Variants in KCNA6 observed in about 807,000 individuals in gnomAD.
KCNA6 encodes the protein human brain potassium channel-2.
In KCNA6, 17 loss-of-function variants were observed where a neutral mutation model predicts 29.5. The ratio of observed to expected loss-of-function variants is 0.58; its 90% CI spans 0.39 to 0.86. KCNA6 has a LOEUF of 0.86. Among genes scored for constraint, KCNA6 ranks in the 40% least tolerant of loss-of-function variants. The pLI is 0.00. For synonymous variants in KCNA6, 296 were observed against 304.7 expected (o/e 0.97, Z 0.30); for missense variants, 450 against 703.4 (o/e 0.64, Z 4.07).
chr12:4,849,118 AAAAATAAAAAT>A, the KCNA6 span, among the ~76,000 whole-genome samples: 3 of 152,044 alleles, frequency 2.0e-5, no homozygotes, highest in South Asian at 2.1e-4. Context: ...CCCCATCTCA[AAAAATAAAAAT>A]AAAATAAAAA....
chr12:4,840,562 T>A, the KCNA6 span, among the ~76,000 whole-genome samples: 1 of 152,280 alleles, frequency 6.6e-6, no homozygotes, highest in Admixed American at 6.5e-5. Flanking sequence ...CTGCGGGAAG[T>A]AGAAAATTTT....
Position 4,811,280 on chromosome 12 carries a change from C to T in KCNA6, c.1239C>T (p.Phe413=). ...TTTTTCCCAGCATCCCGGATGCCTT[C>T]TGGTGGGCAGTGGTTACAATGACCA... Residue 413 remains phenylalanine (F), a synonymous_variant, in exon 1 of 1, where the codon TTC becomes TTT. Coordinates refer to ENST00000280684, the Ensembl canonical transcript of KCNA6. This position sits in a 1 kb window ranked among gnomAD's most constrained non-coding sequence, Gnocchi z 7.1. 6.2e-7 allele frequency: 1 copy of T among 1,614,242 alleles called. No homozygotes were observed. Among genetic ancestry groups the T allele is most frequent in the Non-Finnish European group, 8.5e-7 (1 of 1,180,044 alleles).
chr12:4,843,682 C>A, the KCNA6 span, among the ~76,000 whole-genome samples: 1 of 152,094 alleles, frequency 6.6e-6, no homozygotes. Flanking sequence ...CTTCAGGGAG[C>A]TTTTACTCAC....
chr12:4,829,410 A>G, the KCNA6 span, among the ~76,000 whole-genome samples: 4 of 152,212 alleles, frequency 2.6e-5, no homozygotes, highest in Non-Finnish European at 5.9e-5. Flanking sequence ...TTTCACTGGC[A>G]TAACGTGTCC....
the KCNA6 span, among the ~76,000 whole-genome samples, chr12:4,849,796 T>G: frequency 6.6e-6 from 1 of 152,240 alleles, no homozygotes; most frequent in Non-Finnish European, 1.5e-5. Context: ...AACTGGAGTT[T>G]ATGGAAACCT....
the KCNA6 span, among the ~76,000 whole-genome samples, chr12:4,822,583 T>TGGA: frequency 6.6e-6 from 1 of 152,314 alleles, no homozygotes; most frequent in South Asian, 2.1e-4. Context: ...GAATGTGTGA[T>TGGA]GTAATTCAGA....
the KCNA6 span, among the ~76,000 whole-genome samples, chr12:4,832,904 A>T: frequency 0.25 from 37,354 of 151,260 alleles, 4,891 homozygotes; most frequent in Middle Eastern, 0.38. Flanking sequence ...CTAGAGATAC[A>T]TGTGCCACCA....
chr12:4,824,841 A>G, the KCNA6 span, among the ~76,000 whole-genome samples: 1 of 152,260 alleles, frequency 6.6e-6, no homozygotes, highest in Non-Finnish European at 1.5e-5. Context: ...TATTGGCTTT[A>G]CCTTCAACAT....
At chr12:4,819,543 T>C in the KCNA6 span, among the ~76,000 whole-genome samples, 2 of 152,332 alleles carry the variant, frequency 1.3e-5, no homozygotes, top group African/African-American at 4.8e-5. Context: ...GGCCTCGTAG[T>C]TGGAAGAAGC....
chr12:4,811,339 T>TG lies in KCNA6; in HGVS notation c.1304dup (p.Ile437AspfsTer57). 6.2e-7 allele frequency: 1 copy of TG among 1,613,808 alleles called. No homozygotes were observed. Among genetic ancestry groups the TG allele is most frequent in the Non-Finnish European group, 8.5e-7 (1 of 1,179,730 alleles). Reference sequence around the variant, plus strand: ...TACGGGGACATGTACCCCATGACTGTGGGGGGAAAGATCGTGGGCTCGCTG... The same window carrying TG: ...TACGGGGACATGTACCCCATGACTGTGGGGGGGAAAGATCGTGGGCTCGCTG... On this transcript the variant is annotated frameshift_variant, in exon 1 of 1. Coordinates refer to ENST00000280684, the Ensembl canonical transcript of KCNA6. LOFTEE classifies it high-confidence loss of function. The surrounding 1 kb of genome is among the most constrained non-coding windows in gnomAD (Gnocchi z 7.1).
chr12:4,819,330 G>C, the KCNA6 span, among the ~76,000 whole-genome samples: 1 of 152,194 alleles, frequency 6.6e-6, no homozygotes, highest in South Asian at 2.1e-4. Context: ...AGAAGGGACA[G>C]AACCCACAAG....
chr12:4,848,988 C>T, the KCNA6 span, among the ~76,000 whole-genome samples: 1 of 150,540 alleles, frequency 6.6e-6, no homozygotes, highest in Non-Finnish European at 1.5e-5. Context: ...GGTGTGGTAG[C>T]GGGCGCCTGT....
the KCNA6 span, among the ~76,000 whole-genome samples, chr12:4,840,193 T>G: frequency 8.5e-5 from 4 of 46,990 alleles, no homozygotes; most frequent in South Asian, 9.0e-4. Flanking sequence ...TGATGATGAT[T>G]ATTATCTATC....
the KCNA6 span, among the ~76,000 whole-genome samples, chr12:4,849,871 A>T: frequency 0.55 from 83,665 of 152,174 alleles, 23,536 homozygotes; most frequent in Admixed American, 0.63. Flanking sequence ...TCACGTGCAG[A>T]AACAGAAATG....
chr12:4,811,154 C>T lies in KCNA6; in HGVS notation c.1113C>T (p.Ala371=), dbSNP rs746871771. 8 of 1,614,080 alleles carry T rather than the reference C, an allele frequency of 5.0e-6. No homozygotes were observed. Among genetic ancestry groups the T allele is most frequent in the African/African-American group, 1.3e-5 (1 of 74,952 alleles). The change falls in exon 1 of 1, where the codon GCC becomes GCT. Residue 371 remains alanine, a synonymous_variant. Transcript: ENST00000280684. This position sits in a 1 kb window ranked among gnomAD's most constrained non-coding sequence, Gnocchi z 7.1. ...AGATCCTGGGCAAGACCTTGCAGGC[C>T]TCCATGAGGGAGCTGGGGCTGCTCA...
At chr12:4,848,390 C>T in the KCNA6 span, among the ~76,000 whole-genome samples, 1 of 152,076 alleles carries the variant, frequency 6.6e-6, no homozygotes. Flanking sequence ...GGCTTTCCAT[C>T]ATCTGCAAAT....
At chr12:4,827,206 C>CTCCTTCCTTCCTTCCTTCCTTCCT in the KCNA6 span, among the ~76,000 whole-genome samples, 340 of 113,894 alleles carry the variant, frequency 3.0e-3, 2 homozygotes, top group African/African-American at 0.011. Flanking sequence ...CCTTCCTTCC[C>CTCCTTCCTTCCTTCCTTCCTTCCT]TCCTTCCTTC....
In KCNA6 at chr12:4,811,229, C is replaced by T. The variant is rs754380838; in HGVS notation, c.1188C>T (p.Phe396=). 2.7e-5 allele frequency: 43 copies of T among 1,614,128 alleles called. No homozygotes were observed. Among genetic ancestry groups the T allele is most frequent in the Non-Finnish European group, 3.4e-5 (40 of 1,180,048 alleles). Residue 396 remains phenylalanine (F), a synonymous_variant, in exon 1 of 1, where the codon TTC becomes TTT. Transcript: ENST00000280684. The surrounding 1 kb of genome is among the most constrained non-coding windows in gnomAD (Gnocchi z 7.1). ...TCCTCTTCTCCAGTGCCGTCTACTT[C>T]GCAGAGGCTGACGATGACGATTCGC...
At chr12:4,821,176 G>A in the KCNA6 span, among the ~76,000 whole-genome samples, 3 of 152,318 alleles carry the variant, frequency 2.0e-5, no homozygotes, top group East Asian at 5.8e-4. Flanking sequence ...GAGGAAGAAC[G>A]TGTCCAGAAG....
Sources: gnomAD v4.1 joint callset for allele counts (sites outside exome capture counted in the v4.1 genomes callset) on GRCh38, gnomAD v4.1.1 for gene constraint, Gnocchi (gnomAD v3.1) non-coding constraint, MANE v1.5 for transcripts, NCBI Gene and HGNC (gene_info 2026-07-23, HGNC 2026-07-21) for gene names.